Variants in TRPM8 observed in about 807,000 individuals in gnomAD.
TRPM8 encodes the protein TRPM8 cationic channel.
In TRPM8, 110 loss-of-function variants were observed where a neutral mutation model predicts 133.7. The ratio of observed to expected loss-of-function variants is 0.82; its 90% confidence interval spans 0.70 to 0.96. The LOEUF is 0.96. Among genes scored for constraint, TRPM8 ranks in the 40% least tolerant of loss-of-function variants. TRPM8 has a pLI of 0.00. For missense variants in TRPM8, 1,291 were observed against 1,379.5 expected (o/e 0.94, Z 1.02); for synonymous variants, 535 against 532.3 (o/e 1.01, Z -0.07).
chr2:234,008,192 A>G (rs1692743688), intron 24 of TRPM8, 89 bp downstream of exon 24: 2 of 1,294,324 alleles, frequency 1.5e-6, no homozygotes, highest in Admixed American at 2.2e-5. Context: ...TTGTGATAAT[A>G]AAAGAAGTTA....
chr2:233,960,082 CT>C (rs1691394397), intron 11 of TRPM8, among the ~76,000 whole-genome samples: 1 of 151,990 alleles, frequency 6.6e-6, no homozygotes, highest in Admixed American at 6.6e-5. Context: ...CCGTAAGTTC[CT>C]ATGGGCTAAG....
chr2:233,971,363 G>C (rs1252154053), intron 17 of TRPM8, among the ~76,000 whole-genome samples: 1 of 152,164 alleles, frequency 6.6e-6, no homozygotes, highest in African/African-American at 2.4e-5. Context: ...TAGCCGTCCT[G>C]GGTTGAGAAA....
At chr2:233,931,294 T>C (rs1250429962) in intron 3 of TRPM8, among the ~76,000 whole-genome samples, 2 of 152,230 alleles carry the variant, frequency 1.3e-5, no homozygotes, top group South Asian at 2.1e-4. Flanking sequence ...GGTCGACTAG[T>C]GCTCACCCTT....
rs28948670 is a variant in TRPM8, at chr2:233,960,191, C to T, written c.1363-585C>T. On this transcript the variant is annotated intron_variant, in intron 11 of 25. Transcript: ENST00000324695. ...CTTATTGGTATGTAACAAGAGCAGA[C>T]ATTGGTTTGGTGGCATGTGGTTTGC... is the stretch of plus-strand genomic sequence containing the variant. 4.1e-3 allele frequency among the ~76,000 whole-genome samples: 621 copies of T among 152,280 alleles called. 27 individuals carry two copies. The highest frequency in any genetic ancestry group is 0.031 in the Admixed American group (481 of 15,290).
intron 24 of TRPM8, 106 bp downstream of exon 24, chr2:234,008,209 G>A (rs1049673427): frequency 6.0e-6 from 7 of 1,158,280 alleles, no homozygotes; most frequent in Admixed American, 4.7e-5. Context: ...GTTATATTCA[G>A]CTTTCTTAAT....
At chr2:233,930,075 T>C (rs1369954868) in intron 2 of TRPM8, among the ~76,000 whole-genome samples, 1 of 152,254 alleles carries the variant, frequency 6.6e-6, no homozygotes, top group African/African-American at 2.4e-5. Flanking sequence ...GTTTCATACA[T>C]GATGCAAATA....
intron 20 of TRPM8, among the ~76,000 whole-genome samples, chr2:233,984,334 G>A (rs1692087921): frequency 6.6e-6 from 1 of 152,108 alleles, no homozygotes; most frequent in African/African-American, 2.4e-5. Flanking sequence ...TGTACCCACT[G>A]CCCCCTCCTC....
intron 21 of TRPM8, 108 bp from the exon 22 acceptor site, chr2:233,996,218 T>A (rs1692397622): frequency 1.0e-6 from 1 of 989,408 alleles, no homozygotes; most frequent in African/African-American, 1.6e-5. Flanking sequence ...CTCCTGTCTG[T>A]ACTTAAGCTA....
chr2:233,961,179 C>A, intron 12 of TRPM8, 113 bp downstream of exon 12: 1 of 1,059,910 alleles, frequency 9.4e-7, no homozygotes. Flanking sequence ...ACTTAACACA[C>A]TGACAATGTT....
chr2:233,999,546 C>T (rs1692497516), intron 22 of TRPM8, among the ~76,000 whole-genome samples: 2 of 152,198 alleles, frequency 1.3e-5, no homozygotes, highest in Admixed American at 1.3e-4. Context: ...GTTTGGCCAC[C>T]TACCACTCTA....
chr2:233,932,340 AG>A, intron 3 of TRPM8, among the ~76,000 whole-genome samples: 1 of 152,342 alleles, frequency 6.6e-6, no homozygotes, highest in South Asian at 2.1e-4. Flanking sequence ...TAGAGCAAAG[AG>A]GGCCTTGCTC....
intron 22 of TRPM8, among the ~76,000 whole-genome samples, chr2:234,001,770 T>C (rs536429038): frequency 7.9e-5 from 12 of 152,302 alleles, no homozygotes. Context: ...CAAAGGCACA[T>C]GGGCTGGGCC....
chr2:233,957,765 A>T (rs1204834433), intron 11 of TRPM8, among the ~76,000 whole-genome samples: 1 of 152,156 alleles, frequency 6.6e-6, no homozygotes, highest in South Asian at 2.1e-4. Flanking sequence ...GTGATGTCAC[A>T]TTGGTAGCTG....
Position 233,951,025 on chromosome 2 carries a change from AC to A in TRPM8, c.1140+883del, listed in dbSNP as rs535166334. Among the ~76,000 whole-genome samples the A allele has an allele frequency of 3.3e-5, 5 of 149,928 alleles. No homozygotes were observed. The South Asian group carries it at 1.1e-3, about 32-fold the overall frequency. ...AGACCTGCCTGGACAATGTAGTGAG[AC>A]CCCGTCCCTACAAACAAACAAACAA... On this transcript the variant is annotated intron_variant, in intron 9 of 25. Transcript: ENST00000324695.
At chr2:233,974,757 A>G (rs1691824514) in intron 17 of TRPM8, among the ~76,000 whole-genome samples, 1 of 152,182 alleles carries the variant, frequency 6.6e-6, no homozygotes, top group African/African-American at 2.4e-5. Context: ...CTGGAGCAGC[A>G]CACTGCATGA....
intron 8 of TRPM8, among the ~76,000 whole-genome samples, 182 bp from the exon 9 acceptor site, chr2:233,949,767 T>G (rs545670813): frequency 6.0e-4 from 91 of 152,368 alleles, no homozygotes; most frequent in African/African-American, 2.1e-3. Flanking sequence ...GCAGATTACA[T>G]TTCTCATTCA....
intron 3 of TRPM8, among the ~76,000 whole-genome samples, chr2:233,932,977 C>T (rs1468141258): frequency 6.6e-6 from 1 of 150,718 alleles, no homozygotes; most frequent in Non-Finnish European, 1.5e-5. Flanking sequence ...AGTGCTAAGC[C>T]CAACCCACCC....
In TRPM8 at chr2:233,964,750, G is replaced by A. The variant is rs199742121; in HGVS notation, c.1872G>A (p.Arg624=). The change falls in exon 14 of 26, where the codon CGG becomes CGA. Residue 624 remains arginine, a synonymous_variant. Coordinates refer to ENST00000324695, the MANE Select transcript of TRPM8 (RefSeq NM_024080.5). ...AGCTGGCTAATGAGTACGAGACCCG[G>A]GCTGTTGGTGAGTCCACAGTGTGGA... ...SEELANEYET[R]AVELFTECYS... 1 of 1,611,220 alleles carries A rather than the reference G, an allele frequency of 6.2e-7. No individual in the cohort carries two copies. Among genetic ancestry groups the A allele is most frequent in the African/African-American group, 1.3e-5 (1 of 74,946 alleles).
At chr2:233,998,694 A>G (rs1171557154) in intron 22 of TRPM8, among the ~76,000 whole-genome samples, 1 of 150,702 alleles carries the variant, frequency 6.6e-6, no homozygotes, top group Non-Finnish European at 1.5e-5. Context: ...GTGCCCATCC[A>G]GTTAGGGTGA....
Sources: allele counts gnomAD v4.1 joint callset (sites outside exome capture counted in the v4.1 genomes callset), GRCh38; gene constraint gnomAD v4.1.1; transcripts MANE v1.5; gene names NCBI Gene and HGNC (gene_info 2026-07-23, HGNC 2026-07-21).